PXN: variants seen among roughly 807,000 people sequenced by gnomAD.
The protein encoded by PXN is paxillin.
A neutral mutation model predicts 103.6 loss-of-function variants in PXN; 61 were observed. That is an observed-to-expected ratio of 0.59 (90% CI 0.48 to 0.73). PXN has a LOEUF of 0.73. Ranked by LOEUF, PXN falls within the 30% of genes least tolerant of loss-of-function variation. The pLI is 0.00. For synonymous variants in PXN, 562 were observed against 607.8 expected, an observed-to-expected ratio of 0.92 and a Z score of 1.11; for missense variants, 1,274 against 1,460.3, an observed-to-expected ratio of 0.87 and a Z score of 2.08.
chr12:120,248,507 C>CAT (rs910218108), intron 1 of PXN, among the ~76,000 whole-genome samples: 8 of 147,552 alleles, frequency 5.4e-5, no homozygotes, highest in African/African-American at 1.2e-4. Flanking sequence ...CACACACACA[C>CAT]ACACACACAC....
In PXN at chr12:120,220,080, G is replaced by A; in HGVS notation, c.843C>T (p.Ser281=). Residue 281 remains serine (S), a synonymous_variant, in exon 7 of 15, where the codon TCC becomes TCT. Coordinates refer to ENST00000637617, the MANE Select transcript of PXN (RefSeq NM_001385981.1). This position sits in a 1 kb window ranked among gnomAD's most constrained non-coding sequence, Gnocchi z 6.1. ...ASLSDFKTSS[S]TVALSAPGLS... ...GCCCCGGGGCACTCAGAGCCACAGTGGAGGAGCTGGTCTGGAGAAGAGAGA... is the reference window on the plus strand; with the variant it reads ...GCCCCGGGGCACTCAGAGCCACAGTAGAGGAGCTGGTCTGGAGAAGAGAGA... 1 of 1,236,272 alleles carries A rather than the reference G, an allele frequency of 8.1e-7. No homozygotes were observed. The highest frequency in any genetic ancestry group is 1.1e-6 in the Non-Finnish European group (1 of 894,148). 76.6% of individuals were successfully genotyped at this position (1,236,272 alleles called of 1,614,324 possible).
rs2136208581 is a variant in PXN, at chr12:120,216,092, TG to T, written c.2301+180del. 7.7e-7 allele frequency: 1 copy of T among 1,294,428 alleles called. No individual in the cohort carries two copies. The highest frequency in any genetic ancestry group is 3.0e-5 in the East Asian group (1 of 33,464). The allele number at this position is 1,294,428 out of a possible 1,614,324, so 80.2% of individuals were successfully genotyped here. A position where few individuals can be genotyped will look rare whatever the true frequency, so the allele number is the denominator to read the frequency against. On this transcript the variant is annotated intron_variant, in intron 9 of 14. Coordinates refer to ENST00000637617, the MANE Select transcript of PXN (RefSeq NM_001385981.1). This position sits in a 1 kb window ranked among gnomAD's most constrained non-coding sequence, Gnocchi z 5.1. Reference sequence around the variant, plus strand: ...AAAAGCAAGAGGGCAGCGGACCTTCTGAGTGGGGGAAGACCGGGGTCAAGGT... The same window carrying T: ...AAAAGCAAGAGGGCAGCGGACCTTCTAGTGGGGGAAGACCGGGGTCAAGGT...
intron 1 of PXN, among the ~76,000 whole-genome samples, chr12:120,246,561 A>G (rs1012020561): frequency 2.7e-5 from 4 of 150,578 alleles, no homozygotes; most frequent in Non-Finnish European, 5.9e-5. Flanking sequence ...AGAAAAAAGA[A>G]AAATTTAGCC....
rs1251389263 is a variant in PXN, at chr12:120,229,656, CTGGAATACAGCACACAGGAAA to C, written c.14-5300_14-5280del. ...ATAAAGTGCTGACTTAGCACAGTGC[CTGGAATACAGCACACAGGAAA>C]TGGGAGTTGCTAAATAGATTACAAG... On this transcript the variant is annotated intron_variant, in intron 1 of 14. Transcript: ENST00000637617. This position sits in a 1 kb window ranked among gnomAD's most constrained non-coding sequence, Gnocchi z 4.0. 6.6e-6 allele frequency among the ~76,000 whole-genome samples: 1 copy of C among 152,160 alleles called. No individual in the cohort carries two copies. Among genetic ancestry groups the C allele is most frequent in the Non-Finnish European group, 1.5e-5 (1 of 68,020 alleles).
rs1379188622 is a variant in PXN at position 120,225,125 on chromosome 12, G to C, written c.14-748C>G. 2.0e-5 allele frequency: 4 copies of C among 197,014 alleles called. No individual in the cohort carries two copies. The highest frequency in any genetic ancestry group is 3.2e-5 in the Non-Finnish European group (3 of 92,316). The allele number at this position is 197,014 out of a possible 1,614,324, so 12.2% of individuals were successfully genotyped here. On this transcript the variant is annotated intron_variant, in intron 1 of 14. Coordinates refer to ENST00000637617, the MANE Select transcript of PXN (RefSeq NM_001385981.1). This position sits in a 1 kb window ranked among gnomAD's most constrained non-coding sequence, Gnocchi z 4.4. ...GCAAGGGAGCCAAATCAGCCCTCTA[G>C]TGTAAGCTTCCATTACCCTGGCACC... is the stretch of plus-strand genomic sequence containing the variant.
chr12:120,255,960 G>C (rs1032587907), intron 1 of PXN, among the ~76,000 whole-genome samples: 16 of 149,546 alleles, frequency 1.1e-4, no homozygotes, highest in Admixed American at 4.0e-4. Context: ...GGGGGGTTGG[G>C]GGGGGTGGGG....
At chr12:120,236,431 A>C (rs1889058869) in intron 1 of PXN, among the ~76,000 whole-genome samples, 1 of 150,230 alleles carries the variant, frequency 6.7e-6, no homozygotes, top group Non-Finnish European at 1.5e-5. Flanking sequence ...CCTCAGCCTC[A>C]TGAATAGCTG....
At position 120,216,533 on chromosome 12, in the gene PXN, CAG is replaced by C; in HGVS notation, c.2039_2040del (p.Ser680CysfsTer54). 1 of 1,408,650 alleles carries C rather than the reference CAG, an allele frequency of 7.1e-7. No individual in the cohort carries two copies. Among genetic ancestry groups the C allele is most frequent in the Non-Finnish European group, 9.2e-7 (1 of 1,089,898 alleles). The allele number at this position is 1,408,650 out of a possible 1,614,324, so 87.3% of individuals were successfully genotyped here. ...AAAGGGACAGAAGGAGAAGCCAGGACAGAGATGGTTCTTCTCAGGGGAATGGG... is the reference window on the plus strand; with the variant it reads ...AAAGGGACAGAAGGAGAAGCCAGGACAGATGGTTCTTCTCAGGGGAATGGG... The part of the protein sequence containing the change: ...GSPIPLRRTI[S>X]VLASPSVPLL... On this transcript the variant is annotated frameshift_variant, in exon 9 of 15. Transcript: ENST00000637617. LOFTEE classifies it high-confidence loss of function. The surrounding 1 kb of genome is among the most constrained non-coding windows in gnomAD (Gnocchi z 5.1).
In PXN at chr12:120,214,314, A is replaced by G; in HGVS notation, c.2749-97T>C. The G allele has an allele frequency of 9.3e-7, 1 of 1,072,502 alleles. No homozygotes were observed. Among genetic ancestry groups the G allele is most frequent in the South Asian group, 1.4e-5 (1 of 73,314 alleles). The allele number at this position is 1,072,502 out of a possible 1,614,324, so 66.4% of individuals were successfully genotyped here. A position where few individuals can be genotyped will look rare whatever the true frequency, so the allele number is the denominator to read the frequency against. On this transcript the variant is annotated intron_variant, in intron 12 of 14. Coordinates refer to ENST00000637617, the MANE Select transcript of PXN (RefSeq NM_001385981.1). The surrounding 1 kb of genome is among the most constrained non-coding windows in gnomAD (Gnocchi z 5.0). ...GTCCTTCCACCCGCAGCTCATAGCCATAGACAGAGCAAAACACTCCCAAGA... is the reference window on the plus strand; with the variant it reads ...GTCCTTCCACCCGCAGCTCATAGCCGTAGACAGAGCAAAACACTCCCAAGA...
At chr12:120,253,979 C>T (rs1471183477) in intron 1 of PXN, among the ~76,000 whole-genome samples, 3 of 152,124 alleles carry the variant, frequency 2.0e-5, no homozygotes, top group African/African-American at 7.2e-5. Flanking sequence ...CTCTTGGGTT[C>T]AGGCGATTCT....
rs1007608415 is a variant in PXN, at chr12:120,213,382, A to G, written c.2979+460T>C. 3.9e-5 allele frequency among the ~76,000 whole-genome samples: 6 copies of G among 151,938 alleles called. No homozygotes were observed. Among genetic ancestry groups the G allele is most frequent in the Non-Finnish European group, 7.4e-5 (5 of 67,984 alleles). ...GCAACAGAGTGAGACTCCGTCTCAA[A>G]AAAAGAAAAGAAAAGAAAAGGCTCT... is the stretch of plus-strand genomic sequence containing the variant. On this transcript the variant is annotated intron_variant, in intron 14 of 14. Transcript: ENST00000637617. The surrounding 1 kb of genome is among the most constrained non-coding windows in gnomAD (Gnocchi z 4.2).
rs1010413330 is a variant in PXN at position 120,226,666 on chromosome 12, A to T, written c.14-2289T>A. 5.2e-6 allele frequency: 6 copies of T among 1,158,102 alleles called. No homozygotes were observed. The East Asian group carries it at 2.6e-4, about 49-fold the overall frequency. The allele number at this position is 1,158,102 out of a possible 1,614,324, so 71.7% of individuals were successfully genotyped here. On this transcript the variant is annotated intron_variant, in intron 1 of 14. Transcript: ENST00000637617. ...GGAGCACAGATCCCTAGGCTGGTGA[A>T]GTATTGGTGAGAGGATGCAGTCCTG...
At chr12:120,234,015 A>G (rs1370581940) in intron 1 of PXN, among the ~76,000 whole-genome samples, 1 of 152,236 alleles carries the variant, frequency 6.6e-6, no homozygotes, top group Non-Finnish European at 1.5e-5. Flanking sequence ...AAATGTACTC[A>G]GGGGCAAGAA....
chr12:120,215,403 C>T lies in PXN; in HGVS notation c.2404-130G>A. ...TGGAGACAAGAAGTACAACCTCCTCCAGGGGCCAGGAGCCCTAAAGTGGGA... is the reference window on the plus strand; with the variant it reads ...TGGAGACAAGAAGTACAACCTCCTCTAGGGGCCAGGAGCCCTAAAGTGGGA... On this transcript the variant is annotated intron_variant, in intron 10 of 14. Transcript: ENST00000637617. This position sits in a 1 kb window ranked among gnomAD's most constrained non-coding sequence, Gnocchi z 4.9. 6.9e-7 allele frequency: 1 copy of T among 1,454,778 alleles called. No individual in the cohort carries two copies. Among genetic ancestry groups the T allele is most frequent in the Non-Finnish European group, 9.1e-7 (1 of 1,103,836 alleles). The allele number at this position is 1,454,778 out of a possible 1,614,324, so 90.1% of individuals were successfully genotyped here. A position where few individuals can be genotyped will look rare whatever the true frequency, so the allele number is the denominator to read the frequency against.
chr12:120,258,675 T>C (rs1478748374), intron 1 of PXN, among the ~76,000 whole-genome samples: 2 of 152,248 alleles, frequency 1.3e-5, no homozygotes, highest in Non-Finnish European at 2.9e-5. Context: ...TTAGATTGAA[T>C]GGCTGTCATT....
chr12:120,226,135 G>C, intron 1 of PXN: 4 of 1,176,508 alleles, frequency 3.4e-6, no homozygotes, highest in Non-Finnish European at 4.3e-6. Flanking sequence ...AATCCCCACG[G>C]CCTCTCCAGG....
At chr12:120,263,836 G>T (rs925798740) in intron 1 of PXN, among the ~76,000 whole-genome samples, 1 of 152,014 alleles carries the variant, frequency 6.6e-6, no homozygotes, top group Admixed American at 6.6e-5. Flanking sequence ...TCCAGATTTC[G>T]ATGGCGAGCT....
At chr12:120,245,072 T>C (rs1365081577) in intron 1 of PXN, among the ~76,000 whole-genome samples, 1 of 151,534 alleles carries the variant, frequency 6.6e-6, no homozygotes, top group East Asian at 1.9e-4. Flanking sequence ...TCTGGCTTGG[T>C]GCTGGGGAAG....
rs972238764 is a variant in PXN at position 120,212,239 on chromosome 12, G to A, written c.*75C>T. On this transcript the variant is annotated 3_prime_UTR_variant, in exon 15 of 15. Coordinates refer to ENST00000637617, the MANE Select transcript of PXN (RefSeq NM_001385981.1). The surrounding 1 kb of genome is among the most constrained non-coding windows in gnomAD (Gnocchi z 7.2). Reference sequence around the variant, plus strand: ...CAGTCGGGTTTACCCCTTCACCCCCGGGTGAAGTCTCTAGGTCACAGTCGC... The same window carrying A: ...CAGTCGGGTTTACCCCTTCACCCCCAGGTGAAGTCTCTAGGTCACAGTCGC... 5.7e-5 allele frequency: 88 copies of A among 1,550,580 alleles called. No homozygotes were observed. Among genetic ancestry groups the A allele is most frequent in the Non-Finnish European group, 6.6e-5 (76 of 1,148,856 alleles).
Sources: allele counts gnomAD v4.1 joint callset (sites outside exome capture counted in the v4.1 genomes callset), GRCh38; gene constraint gnomAD v4.1.1; non-coding constraint Gnocchi (gnomAD v3.1); transcripts MANE v1.5; gene names NCBI Gene and HGNC (gene_info 2026-07-23, HGNC 2026-07-21).